IFI16: variants seen among roughly 807,000 people sequenced by gnomAD.
IFI16 encodes the protein gamma-interferon-inducible protein 16.
IFI16 carries 49 observed loss-of-function variants against 68.4 expected under a neutral mutation model. The observed-to-expected ratio is 0.72, with a 90% CI of 0.57 to 0.91. IFI16 has a LOEUF of 0.91. IFI16 is among the 40% of genes least tolerant of loss of function. The probability of loss-of-function intolerance (pLI) is 0.00; values close to 1 mark genes in which losing one functional copy is unlikely to be tolerated. For synonymous variants in IFI16, 307 were observed against 315.0 expected, an observed-to-expected ratio of 0.97 and a Z score of 0.27; for missense variants, 878 against 942.9, an observed-to-expected ratio of 0.93 and a Z score of 0.90.
intron 4 of IFI16, among the ~76,000 whole-genome samples, chr1:159,018,024 A>G (rs1398602238): frequency 6.6e-6 from 1 of 152,164 alleles, no homozygotes; most frequent in African/African-American, 2.4e-5. Flanking sequence ...TCTTTTCACT[A>G]TATGGTCTCC....
rs1394448563 is a variant in IFI16, at chr1:159,052,715, C to CA, written c.2085+618dup. 4.0e-5 allele frequency: 6 copies of CA among 151,082 alleles called. No individual in the cohort carries two copies. In the East Asian group the frequency reaches 9.7e-4, roughly 24 times the overall value. 9.4% of individuals were successfully genotyped at this position (151,082 alleles called of 1,614,324 possible). A position where few individuals can be genotyped will look rare whatever the true frequency, so the allele number is the denominator to read the frequency against. On this transcript the variant is annotated intron_variant, in intron 10 of 11. Transcript: ENST00000295809. ...TACGAAGCAAAAAGACTAAAAAAGT[C>CA]ACGTAGCTTAACTGCTCAATTTATA...
intron 7 of IFI16, 84 bp from the exon 8 acceptor site, chr1:159,045,213 A>G (rs1451840364): frequency 2.8e-6 from 2 of 711,328 alleles, no homozygotes; most frequent in East Asian, 2.7e-5. Flanking sequence ...TCCTATTTAA[A>G]AAAGAAAAAA....
intron 8 of IFI16, among the ~76,000 whole-genome samples, chr1:159,045,916 C>A (rs1654954269): frequency 6.6e-6 from 1 of 151,100 alleles, no homozygotes; most frequent in Non-Finnish European, 1.5e-5. Flanking sequence ...TTATCTAATG[C>A]CACATTTCAG....
At chr1:159,039,288 G>C (rs1270200170) in intron 7 of IFI16, among the ~76,000 whole-genome samples, 1 of 152,100 alleles carries the variant, frequency 6.6e-6, no homozygotes, top group Non-Finnish European at 1.5e-5. Flanking sequence ...AGTGAGAACA[G>C]AATAAAAGGA....
At chr1:159,030,341 G>A (rs1407124101) in intron 6 of IFI16, among the ~76,000 whole-genome samples, 1 of 152,300 alleles carries the variant, frequency 6.6e-6, no homozygotes, top group African/African-American at 2.4e-5. Flanking sequence ...TGGTAAGGTA[G>A]TGTGATCTTT....
intron 8 of IFI16, 72 bp downstream of exon 8, chr1:159,045,536 G>A: frequency 6.4e-7 from 1 of 1,566,596 alleles, no homozygotes; most frequent in South Asian, 1.1e-5. Flanking sequence ...AACCTTGAAA[G>A]CACCTCACCA....
chr1:159,045,786 A>G (rs1287307284), intron 8 of IFI16, among the ~76,000 whole-genome samples: 2 of 151,356 alleles, frequency 1.3e-5, no homozygotes, highest in East Asian at 1.9e-4. Flanking sequence ...AGAGCCAACC[A>G]TAACACTATC....
At chr1:159,028,815 A>G (rs1051382839) in intron 6 of IFI16, among the ~76,000 whole-genome samples, 3 of 152,052 alleles carry the variant, frequency 2.0e-5, no homozygotes, top group Non-Finnish European at 4.4e-5. Context: ...GTCCATTTGC[A>G]TAGTATATCT....
chr1:159,050,546 A>G (rs898389941), intron 9 of IFI16, among the ~76,000 whole-genome samples: 9 of 152,174 alleles, frequency 5.9e-5, no homozygotes, highest in Admixed American at 3.3e-4. Flanking sequence ...GCCATCACTC[A>G]CAGGTGGCCA....
upstream of IFI16, among the ~76,000 whole-genome samples, chr1:159,002,525 T>A (rs906372090): frequency 2.0e-5 from 3 of 152,028 alleles, no homozygotes; most frequent in African/African-American, 4.8e-5. Context: ...AATGAACACA[T>A]GCTGCAAAAT....
rs760437560 is a variant in IFI16, at chr1:159,051,650, T to C, written c.1666-29T>C. ...GACCCTGTTTTTCCTGTTTTAATTG[T>C]GCCTATGTTTTGGTCTCTACCTTCT... On this transcript the variant is annotated intron_variant, in intron 9 of 11. Transcript: ENST00000295809. 6 of 1,568,038 alleles carry C rather than the reference T, an allele frequency of 3.8e-6. No individual in the cohort carries two copies. The East Asian group carries it at 9.0e-5, about 24-fold the overall frequency.
chr1:159,037,855 G>A (rs1654415768), intron 7 of IFI16, among the ~76,000 whole-genome samples: 1 of 151,716 alleles, frequency 6.6e-6, no homozygotes, highest in Admixed American at 6.6e-5. Flanking sequence ...AAATAGGGCA[G>A]ACATTAAAAA....
At chr1:159,021,189 C>A (rs147423183) in intron 6 of IFI16, among the ~76,000 whole-genome samples, 26 of 152,002 alleles carry the variant, frequency 1.7e-4, no homozygotes, top group Non-Finnish European at 3.4e-4. Context: ...TTTGATGCAC[C>A]CATCGTCCAA....
At chr1:159,026,320 G>A (rs1210247478) in intron 6 of IFI16, among the ~76,000 whole-genome samples, 5 of 140,052 alleles carry the variant, frequency 3.6e-5, no homozygotes, top group South Asian at 2.2e-4. Context: ...TTTTTGAGAC[G>A]AAGTCTCGCT....
chr1:159,034,176 A>T (rs753498143), intron 7 of IFI16, among the ~76,000 whole-genome samples: 3 of 152,228 alleles, frequency 2.0e-5, no homozygotes, highest in Non-Finnish European at 2.9e-5. Context: ...TTTCTAGCAA[A>T]GTGATGATCA....
upstream of IFI16, among the ~76,000 whole-genome samples, chr1:159,003,713 T>C (rs578195091): frequency 5.3e-5 from 8 of 152,248 alleles, no homozygotes; most frequent in South Asian, 1.7e-3. Flanking sequence ...CAGGCTGGAG[T>C]GCAGTGGCAT....
At chr1:159,042,828 C>T (rs1654740486) in intron 7 of IFI16, among the ~76,000 whole-genome samples, 1 of 152,002 alleles carries the variant, frequency 6.6e-6, no homozygotes, top group Non-Finnish European at 1.5e-5. Flanking sequence ...ACTTACCCAG[C>T]TTGCCTTTTG....
At chr1:159,019,694 C>T (rs764696060) in intron 5 of IFI16, among the ~76,000 whole-genome samples, 1 of 152,086 alleles carries the variant, frequency 6.6e-6, no homozygotes, top group Non-Finnish European at 1.5e-5. Context: ...CTCCTGACCT[C>T]GTGATCTGCC....
At position 159,023,900 on chromosome 1, in the gene IFI16, C is replaced by T. The variant is rs148678235; in HGVS notation, c.1161+3371C>T. Among the ~76,000 whole-genome samples the T allele has an allele frequency of 9.5e-3, 1,444 of 152,286 alleles. 19 individuals are homozygous for T. Among genetic ancestry groups the T allele is most frequent in the Middle Eastern group, 0.031 (9 of 294 alleles). On this transcript the variant is annotated intron_variant, in intron 6 of 11. Coordinates refer to ENST00000295809, the MANE Select transcript of IFI16 (RefSeq NM_001376587.1). Reference sequence around the variant, plus strand: ...CTTGGCATTCAGAGGTGGAAGCAGGCTTGCCCTCGGGGGCGGACCCCCGGG... The same window carrying T: ...CTTGGCATTCAGAGGTGGAAGCAGGTTTGCCCTCGGGGGCGGACCCCCGGG...
Sources: gnomAD v4.1 joint callset for allele counts (sites outside exome capture counted in the v4.1 genomes callset) on GRCh38, gnomAD v4.1.1 for gene constraint, MANE v1.5 for transcripts, NCBI Gene and HGNC (gene_info 2026-07-23, HGNC 2026-07-21) for gene names.